SBF2: variants seen among roughly 807,000 people sequenced by gnomAD.
SBF2 encodes SET binding factor 2.
Under a neutral mutation model 225.2 loss-of-function variants are expected in SBF2, and 112 were observed. The observed-to-expected ratio is 0.50, with a 90% CI of 0.43 to 0.58. The LOEUF is 0.58. SBF2 is among the 20% of genes least tolerant of loss of function. SBF2 has a pLI of 0.00. For synonymous variants in SBF2, 763 were observed against 773.3 expected (o/e 0.99, Z 0.22); for missense variants, 1,996 against 2,206.2 (o/e 0.90, Z 1.91).
intron 17 of SBF2, among the ~76,000 whole-genome samples, chr11:9,886,519 A>G (rs1326945090): frequency 6.8e-6 from 1 of 146,600 alleles, no homozygotes; most frequent in South Asian, 2.2e-4. Context: ...ATAGAAGTCC[A>G]AGCTACGGGT....
rs958420373 is a variant in SBF2 at position 9,882,679 on chromosome 11, C to T, written c.1929+13264G>A. ...AAAATTAGCTGGGCGCGGTGGCAGG[C>T]GCCTGTAATCCCAGCTACTTGGGAG... On this transcript the variant is annotated intron_variant, in intron 17 of 39. Coordinates refer to ENST00000256190, the MANE Select transcript of SBF2 (RefSeq NM_030962.4). Among the ~76,000 whole-genome samples, 3 of 151,292 alleles carry T rather than the reference C, an allele frequency of 2.0e-5. No individual in the cohort carries two copies. The Admixed American group carries it at 2.0e-4, about 10-fold the overall frequency.
chr11:10,202,014 T>G (rs1189885328), intron 1 of SBF2, among the ~76,000 whole-genome samples: 1 of 152,174 alleles, frequency 6.6e-6, no homozygotes, highest in African/African-American at 2.4e-5. Context: ...TCCAGCAATT[T>G]AGAGAATGTC....
intron 11 of SBF2, among the ~76,000 whole-genome samples, 156 bp downstream of exon 11, chr11:9,992,834 A>G (rs1335045764): frequency 1.3e-5 from 2 of 152,186 alleles, no homozygotes; most frequent in Admixed American, 1.3e-4. Context: ...TGAGTTCCAT[A>G]TTATTATTAA....
chr11:9,936,200 G>A (rs569563651), intron 16 of SBF2, among the ~76,000 whole-genome samples: 1 of 152,154 alleles, frequency 6.6e-6, no homozygotes, highest in East Asian at 1.9e-4. Flanking sequence ...ACTTATGAAA[G>A]AATGCTCATC....
chr11:9,884,699 T>TC (rs1860113432), intron 17 of SBF2, among the ~76,000 whole-genome samples: 1 of 151,850 alleles, frequency 6.6e-6, no homozygotes, highest in Non-Finnish European at 1.5e-5. Flanking sequence ...CTCAGAAGAG[T>TC]CCCTATCTGC....
intron 2 of SBF2, among the ~76,000 whole-genome samples, chr11:10,158,504 T>C (rs1360923498): frequency 1.3e-5 from 2 of 152,248 alleles, no homozygotes; most frequent in East Asian, 3.9e-4. Context: ...CTACAATTGA[T>C]ATCATAGAAA....
chr11:10,233,534 A>T (rs550835852), intron 1 of SBF2, among the ~76,000 whole-genome samples: 2 of 151,444 alleles, frequency 1.3e-5, no homozygotes, highest in East Asian at 3.9e-4. Flanking sequence ...CTCTTGGTGT[A>T]TATCCTAACC....
At chr11:9,839,362 T>A in intron 26 of SBF2, 136 bp downstream of exon 26, 1 of 869,070 alleles carries the variant, frequency 1.2e-6, no homozygotes, top group Non-Finnish European at 1.9e-6. Context: ...AGATGCTTGC[T>A]CGTATCCTGG....
At chr11:10,244,991 G>T (rs902184136) in intron 1 of SBF2, among the ~76,000 whole-genome samples, 5 of 151,652 alleles carry the variant, frequency 3.3e-5, no homozygotes, top group Non-Finnish European at 7.4e-5. Flanking sequence ...AAAATTAGCT[G>T]GGTGTGGTGG....
intron 13 of SBF2, among the ~76,000 whole-genome samples, chr11:9,988,534 TA>T (rs1947287966): frequency 1.3e-5 from 2 of 152,008 alleles, no homozygotes; most frequent in East Asian, 3.9e-4. Flanking sequence ...ATCCAGAATC[TA>T]CAACAAACTC....
At chr11:10,162,890 A>G (rs2278633) in intron 2 of SBF2, among the ~76,000 whole-genome samples, 11,333 of 152,192 alleles carry the variant, frequency 0.074, 607 homozygotes, top group East Asian at 0.28. Context: ...CATTCCTCAG[A>G]CTGTCCCTTT....
At chr11:10,268,788 T>G (rs1160425046) in intron 1 of SBF2, among the ~76,000 whole-genome samples, 2 of 152,208 alleles carry the variant, frequency 1.3e-5, no homozygotes, top group African/African-American at 4.8e-5. Flanking sequence ...CTAAAAAAAT[T>G]AGACAAATGT....
chr11:10,048,937 T>A (rs1354281852), intron 2 of SBF2, among the ~76,000 whole-genome samples: 1 of 152,330 alleles, frequency 6.6e-6, no homozygotes, highest in East Asian at 1.9e-4. Context: ...AATTCCACAC[T>A]GTAACTAACC....
intron 2 of SBF2, among the ~76,000 whole-genome samples, chr11:10,167,843 C>T (rs1038896542): frequency 1.3e-5 from 2 of 152,046 alleles, no homozygotes; most frequent in Non-Finnish European, 2.9e-5. Flanking sequence ...CATGGTGAAA[C>T]CCCATCTCTA....
intron 1 of SBF2, among the ~76,000 whole-genome samples, chr11:10,244,269 T>C (rs1959539292): frequency 6.6e-6 from 1 of 152,334 alleles, no homozygotes; most frequent in African/African-American, 2.4e-5. Flanking sequence ...AGGTCTTACA[T>C]TTAAGTCTTT....
chr11:9,943,190 A>C (rs1245044853), intron 16 of SBF2, among the ~76,000 whole-genome samples: 1 of 152,198 alleles, frequency 6.6e-6, no homozygotes, highest in Admixed American at 6.5e-5. Context: ...ATTTGCAAAA[A>C]ATTAACTGGA....
At chr11:9,820,747 A>G (rs2133917699) in intron 28 of SBF2, among the ~76,000 whole-genome samples, 1 of 152,318 alleles carries the variant, frequency 6.6e-6, no homozygotes, top group South Asian at 2.1e-4. Flanking sequence ...GATTATCTGT[A>G]TATTCTTTCA....
At chr11:10,071,369 C>A (rs1029328211) in intron 2 of SBF2, among the ~76,000 whole-genome samples, 9 of 150,468 alleles carry the variant, frequency 6.0e-5, no homozygotes, top group Non-Finnish European at 1.2e-4. Context: ...CAGGTTCACA[C>A]CATTCTCCTG....
chr11:9,909,534 G>A (rs182617421), intron 16 of SBF2, among the ~76,000 whole-genome samples: 1 of 152,100 alleles, frequency 6.6e-6, no homozygotes, highest in East Asian at 1.9e-4. Flanking sequence ...GCCGGGCGTG[G>A]TGGCGGGCAC....
Sources: allele counts gnomAD v4.1 joint callset (sites outside exome capture counted in the v4.1 genomes callset), GRCh38; gene constraint gnomAD v4.1.1; transcripts MANE v1.5; gene names NCBI Gene and HGNC (gene_info 2026-07-23, HGNC 2026-07-21).